Variants in SAMD3 observed in about 807,000 individuals in gnomAD.
SAMD3 encodes sterile alpha motif domain containing 3.
SAMD3 carries 63 observed loss-of-function variants against 58.5 expected under a neutral mutation model. The ratio of observed to expected loss-of-function variants is 1.08; its 90% CI spans 0.88 to 1.33. SAMD3 has a LOEUF of 1.33. Among genes scored for constraint, SAMD3 ranks in the 40% most tolerant of loss-of-function variants. SAMD3 has a pLI of 0.00. For missense variants in SAMD3, 604 were observed against 608.4 expected (o/e 0.99, Z 0.08); for synonymous variants, 220 against 210.3 (o/e 1.05, Z -0.40).
At chr6:130,287,125 C>T (rs1050286039) in intron 2 of SAMD3, among the ~76,000 whole-genome samples, 2 of 152,114 alleles carry the variant, frequency 1.3e-5, no homozygotes, top group South Asian at 2.1e-4. Flanking sequence ...TTTCTTCTGT[C>T]TTCTAAATGA....
At chr6:130,245,493 G>A (rs1427166764) in intron 2 of SAMD3, among the ~76,000 whole-genome samples, 2 of 152,216 alleles carry the variant, frequency 1.3e-5, no homozygotes, top group Non-Finnish European at 2.9e-5. Flanking sequence ...GACTCAAAGA[G>A]TGGAATTGAT....
At chr6:130,324,115 C>G (rs1776677842) in intron 1 of SAMD3, among the ~76,000 whole-genome samples, 1 of 151,872 alleles carries the variant, frequency 6.6e-6, no homozygotes. Context: ...TTCAAAATGT[C>G]TTAACATTTT....
At chr6:130,145,902 ACTC>A (rs1265016664) in intron 10 of SAMD3, 105 bp downstream of exon 10, 2 of 479,294 alleles carry the variant, frequency 4.2e-6, no homozygotes, top group African/African-American at 4.0e-5. Flanking sequence ...TATTTTTAAA[ACTC>A]AATAAATGTA....
At chr6:130,323,468 G>A (rs1776652844) in intron 1 of SAMD3, among the ~76,000 whole-genome samples, 1 of 150,148 alleles carries the variant, frequency 6.7e-6, no homozygotes, top group African/African-American at 2.5e-5. Context: ...TGTATGATGA[G>A]TGCTTAGACT....
At position 130,208,115 on chromosome 6, in the gene SAMD3, A is replaced by C. The variant is rs573224197; in HGVS notation, c.383+1380T>G. Among the ~76,000 whole-genome samples the C allele has an allele frequency of 2.0e-5, 3 of 152,344 alleles. No homozygotes were observed. The South Asian group carries it at 6.2e-4, about 32-fold the overall frequency. On this transcript the variant is annotated intron_variant, in intron 5 of 11. Transcript: ENST00000439090. The stretch of plus-strand genomic sequence containing the variant: ...TTGTACTCATTTACAAAAAGGAGAG[A>C]ATAATGCCCACCTTGCAGTACTGCT...
intron 2 of SAMD3, among the ~76,000 whole-genome samples, chr6:130,254,636 A>G (rs572028243): frequency 2.1e-5 from 3 of 144,294 alleles, no homozygotes; most frequent in African/African-American, 8.1e-5. Context: ...ACTGCTGTGA[A>G]GAGTTTGAAG....
chr6:130,362,399 T>C (rs943606446), intron 1 of SAMD3, among the ~76,000 whole-genome samples: 99 of 152,206 alleles, frequency 6.5e-4, no homozygotes, highest in African/African-American at 2.2e-3. Flanking sequence ...GTGGAACAGG[T>C]GGGCCACCAC....
intron 9 of SAMD3, 95 bp downstream of exon 9, chr6:130,154,714 AAAAAATATATATATAT>A (rs1227549422): frequency 5.6e-5 from 5 of 89,732 alleles, no homozygotes; most frequent in Non-Finnish European, 2.1e-5. Context: ...AAAAAAAAAA[AAAAAATATATATATAT>A]ATATATATAT....
chr6:130,291,777 C>T (rs1194730208), intron 2 of SAMD3, among the ~76,000 whole-genome samples: 1 of 152,120 alleles, frequency 6.6e-6, no homozygotes, highest in Admixed American at 6.5e-5. Flanking sequence ...TTAATAATTT[C>T]CCAATTTCAG....
At chr6:130,339,458 G>A (rs996118737) in intron 1 of SAMD3, among the ~76,000 whole-genome samples, 1 of 152,178 alleles carries the variant, frequency 6.6e-6, no homozygotes, top group African/African-American at 2.4e-5. Flanking sequence ...TCTTGTGATA[G>A]TGAGTGAGTT....
chr6:130,215,594 A>G, intron 2 of SAMD3: 1 of 1,359,242 alleles, frequency 7.4e-7, no homozygotes. Flanking sequence ...CCAGGGACAT[A>G]CAATGGTACC....
intron 2 of SAMD3, among the ~76,000 whole-genome samples, chr6:130,271,016 T>C (rs10457545): frequency 0.31 from 47,005 of 151,520 alleles, 7,657 homozygotes; most frequent in East Asian, 0.47. Flanking sequence ...TGTTTTTTTT[T>C]CCTTAGGGTC....
chr6:130,330,766 C>T (rs1776908746), intron 1 of SAMD3, among the ~76,000 whole-genome samples: 2 of 152,140 alleles, frequency 1.3e-5, no homozygotes, highest in African/African-American at 4.8e-5. Context: ...TGAGCATCGG[C>T]TGTTTGGGTG....
At chr6:130,172,626 G>A (rs748365013) in intron 8 of SAMD3, among the ~76,000 whole-genome samples, 2 of 152,108 alleles carry the variant, frequency 1.3e-5, no homozygotes, top group Non-Finnish European at 2.9e-5. Context: ...TTTCTCTCTG[G>A]CTGCCCTTAA....
At chr6:130,297,033 CA>C (rs1178358807) in intron 2 of SAMD3, among the ~76,000 whole-genome samples, 5 of 152,218 alleles carry the variant, frequency 3.3e-5, no homozygotes, top group Non-Finnish European at 7.3e-5. Context: ...CACCTGACGA[CA>C]AGCCAGCTTT....
At chr6:130,333,303 C>T (rs1339884165) in intron 1 of SAMD3, among the ~76,000 whole-genome samples, 2 of 152,130 alleles carry the variant, frequency 1.3e-5, no homozygotes, top group East Asian at 1.9e-4. Flanking sequence ...TATAATAAAG[C>T]AAAGACTGAT....
At chr6:130,284,448 T>A (rs1562498743) in intron 2 of SAMD3, among the ~76,000 whole-genome samples, 1 of 151,796 alleles carries the variant, frequency 6.6e-6, no homozygotes. Context: ...CAGGAAAAGA[T>A]AAAAAATCAT....
At chr6:130,232,705 A>T (rs1322166115) in intron 2 of SAMD3, among the ~76,000 whole-genome samples, 2 of 152,184 alleles carry the variant, frequency 1.3e-5, no homozygotes, top group African/African-American at 4.8e-5. Context: ...AAAGATCATA[A>T]CTGTACCTGG....
intron 1 of SAMD3, among the ~76,000 whole-genome samples, chr6:130,326,895 G>A (rs1776778528): frequency 1.3e-5 from 2 of 152,160 alleles, no homozygotes; most frequent in Admixed American, 1.3e-4. Context: ...ATGAGATACT[G>A]CAGTGAATAC....
Sources: allele counts gnomAD v4.1 joint callset (sites outside exome capture counted in the v4.1 genomes callset), GRCh38; gene constraint gnomAD v4.1.1; transcripts MANE v1.5; gene names NCBI Gene and HGNC (gene_info 2026-07-23, HGNC 2026-07-21).